Variants in FAAH observed in about 807,000 individuals in gnomAD.
FAAH encodes the protein fatty-acid amide hydrolase 1.
FAAH carries 63 observed loss-of-function variants against 69.7 expected under a neutral mutation model. The ratio of observed to expected loss-of-function variants is 0.90; its 90% CI spans 0.74 to 1.12. The LOEUF (loss-of-function observed/expected upper bound fraction) is 1.12, where lower values mean the gene tolerates loss of function less well. Ranked by LOEUF, FAAH falls within the 50% of genes most tolerant of loss-of-function variation. The probability of loss-of-function intolerance (pLI) is 0.00; values close to 1 mark genes in which losing one functional copy is unlikely to be tolerated. For synonymous variants in FAAH, 305 were observed against 324.2 expected, an observed-to-expected ratio of 0.94 and a Z score of 0.64; for missense variants, 680 against 755.0, an observed-to-expected ratio of 0.90 and a Z score of 1.16.
chr1:46,406,549 C>A (rs1664799013), intron 7 of FAAH, among the ~76,000 whole-genome samples, 181 bp downstream of exon 7: 1 of 151,302 alleles, frequency 6.6e-6, no homozygotes, highest in Non-Finnish European at 1.5e-5. Context: ...TTTGGAAATC[C>A]TCAGGCTTTT....
At chr1:46,413,008 G>C (rs1475448396) in intron 13 of FAAH, 67 bp from the exon 14 acceptor site, 3 of 1,596,602 alleles carry the variant, frequency 1.9e-6, no homozygotes, top group Non-Finnish European at 2.6e-6. Context: ...TATGAGGTTT[G>C]ACTCAGGCCC....
At position 46,402,085 on chromosome 1, in the gene FAAH, C is replaced by T. The variant is rs1177550228; in HGVS notation, c.196-6C>T. 6.2e-7 allele frequency: 1 copy of T among 1,600,868 alleles called. No individual in the cohort carries two copies. The highest frequency in any genetic ancestry group is 1.3e-5 in the African/African-American group (1 of 74,762). On this transcript the variant is annotated splice_polypyrimidine_tract_variant and splice_region_variant and intron_variant, in intron 1 of 14. Coordinates refer to ENST00000243167, the MANE Select transcript of FAAH (RefSeq NM_001441.3). ...TAGGGGACTGATCCGAGTTTGTTCC[C>T]CACAGAACCCAGACCTGGACTCAGA...
rs767134119 is a variant in FAAH, at chr1:46,405,191, C to T, written c.444+43C>T. ...GCCAGGCCTCCATCGTCCCCTCCAT[C>T]CCTGCCAGCCTGCTCTGCATCTTGG... On this transcript the variant is annotated intron_variant, in intron 3 of 14. Coordinates refer to ENST00000243167, the MANE Select transcript of FAAH (RefSeq NM_001441.3). The surrounding 1 kb of genome is among the most constrained non-coding windows in gnomAD (Gnocchi z 4.1). 3.7e-6 allele frequency: 6 copies of T among 1,613,306 alleles called. No homozygotes were observed. Among genetic ancestry groups the T allele is most frequent in the South Asian group, 1.1e-5 (1 of 91,078 alleles).
chr1:46,409,795 C>A (rs1454405590), intron 9 of FAAH, among the ~76,000 whole-genome samples: 1 of 152,174 alleles, frequency 6.6e-6, no homozygotes, highest in Non-Finnish European at 1.5e-5. Context: ...CACAGTCCCC[C>A]TTCCTCCACT....
At position 46,402,262 on chromosome 1, in the gene FAAH, C is replaced by CAAGG; in HGVS notation, c.309+58_309+59insAAGG. 5 of 1,344,258 alleles carry CAAGG rather than the reference C, an allele frequency of 3.7e-6. No homozygotes were observed. The African/African-American group carries it at 5.8e-5, about 16-fold the overall frequency. 83.3% of individuals were successfully genotyped at this position (1,344,258 alleles called of 1,614,324 possible). The stretch of plus-strand genomic sequence containing the variant: ...AAAGGTAAGGCCAGCCAAGGCCAGC[C>CAAGG]CCTCCCTTTCCCCTCCCTCTGTCCG... On this transcript the variant is annotated intron_variant, in intron 2 of 14. Coordinates refer to ENST00000243167, the MANE Select transcript of FAAH (RefSeq NM_001441.3).
rs1664896256 is a variant in FAAH, at chr1:46,410,678, G to A, written c.1276-136G>A. 3 of 1,195,428 alleles carry A rather than the reference G, an allele frequency of 2.5e-6. No individual in the cohort carries two copies. The highest frequency in any genetic ancestry group is 2.5e-6 in the Non-Finnish European group (2 of 802,918). The allele number at this position is 1,195,428 out of a possible 1,614,324, so 74.1% of individuals were successfully genotyped here. A position where few individuals can be genotyped will look rare whatever the true frequency, so the allele number is the denominator to read the frequency against. ...GTCCCCTGCGATCTTCAGCCAACCC[G>A]CATGCTGAAAGGGGTGCCGACCTGG... On this transcript the variant is annotated intron_variant, in intron 10 of 14. Coordinates refer to ENST00000243167, the MANE Select transcript of FAAH (RefSeq NM_001441.3). This position sits in a 1 kb window ranked among gnomAD's most constrained non-coding sequence, Gnocchi z 4.9.
rs200958055 is a variant in FAAH, at chr1:46,413,513, T to C, written c.1678T>C (p.Leu560=). The C allele has an allele frequency of 5.5e-5, 89 of 1,613,702 alleles. No individual in the cohort carries two copies. The Admixed American group carries it at 1.5e-3, about 26-fold the overall frequency. The change falls in exon 15 of 15, where the codon TTG becomes CTG. Residue 560 remains leucine, a synonymous_variant. Coordinates refer to ENST00000243167, the MANE Select transcript of FAAH (RefSeq NM_001441.3). ...QCVALPWQEE[L]CLRFMREVER... ...TGTGGCTCTGCCCTGGCAAGAAGAG[T>C]TGTGTCTGCGGTTCATGCGGGAGGT...
Position 46,411,747 on chromosome 1 carries a change from TG to T in FAAH, c.1356+100del. ...CAGTGTCTCGTGGCCACTGCCCCCA[TG>T]GGGCTCCTAGACTGGCCTGTCATCC... On this transcript the variant is annotated intron_variant, in intron 12 of 14. Coordinates refer to ENST00000243167, the MANE Select transcript of FAAH (RefSeq NM_001441.3). This position sits in a 1 kb window ranked among gnomAD's most constrained non-coding sequence, Gnocchi z 4.8. The T allele has an allele frequency of 2.2e-6, 3 of 1,384,584 alleles. No individual in the cohort carries two copies. Among genetic ancestry groups the T allele is most frequent in the Non-Finnish European group, 3.0e-6 (3 of 988,670 alleles). The allele number at this position is 1,384,584 out of a possible 1,614,324, so 85.8% of individuals were successfully genotyped here.
In FAAH at chr1:46,405,305, T is replaced by TG; in HGVS notation, c.445-65dup. 1 of 1,605,950 alleles carries TG rather than the reference T, an allele frequency of 6.2e-7. No individual in the cohort carries two copies. The highest frequency in any genetic ancestry group is 8.5e-7 in the Non-Finnish European group (1 of 1,179,770). The stretch of plus-strand genomic sequence containing the variant: ...CTGTTTTGGCCTGTGTGACAGTTGT[T>TG]GGAGTGGACCCTTGGCTGCCCACGG... On this transcript the variant is annotated intron_variant, in intron 3 of 14. Transcript: ENST00000243167. The surrounding 1 kb of genome is among the most constrained non-coding windows in gnomAD (Gnocchi z 4.1).
Position 46,405,376 on chromosome 1 carries a change from A to G in FAAH, c.449A>G (p.Gln150Arg). ...SLKECFTYKG[Q>R]DSTLGLSLNE... is the part of the protein sequence containing the mutation. ...GGTGCCCATCCCTCCTCCCAGGGCC[A>G]GGACTCCACGCTGGGCTTGAGCCTG... is the stretch of plus-strand genomic sequence containing the variant. The change falls in exon 4 of 15, where the codon CAG becomes CGG. Residue 150 changes from glutamine (Q) to arginine (R), a missense_variant. By Grantham distance (43) the Gln-to-Arg change is conservative. Coordinates refer to ENST00000243167, the MANE Select transcript of FAAH (RefSeq NM_001441.3). This position sits in a 1 kb window ranked among gnomAD's most constrained non-coding sequence, Gnocchi z 4.1. 1 of 1,610,624 alleles carries G rather than the reference A, an allele frequency of 6.2e-7. No homozygotes were observed. Among genetic ancestry groups the G allele is most frequent in the Non-Finnish European group, 8.5e-7 (1 of 1,179,988 alleles).
Position 46,410,886 on chromosome 1 carries a change from C to T in FAAH, c.1316+32C>T, listed in dbSNP as rs1166535724. On this transcript the variant is annotated intron_variant, in intron 11 of 14. Transcript: ENST00000243167. The surrounding 1 kb of genome is among the most constrained non-coding windows in gnomAD (Gnocchi z 4.9). ...GTTCTTCTGTGTCTAGCTGCCGGCC[C>T]CTGCCTGTCCTGATCCGAGTCTGGG... The T allele has an allele frequency of 6.2e-7, 1 of 1,613,678 alleles. No homozygotes were observed. The highest frequency in any genetic ancestry group is 8.5e-7 in the Non-Finnish European group (1 of 1,179,722).
intron 7 of FAAH, 87 bp from the exon 8 acceptor site, chr1:46,408,372 G>A (rs1194063771): frequency 2.6e-5 from 41 of 1,581,070 alleles, no homozygotes; most frequent in Non-Finnish European, 3.6e-5. Flanking sequence ...GCTGTGTCTG[G>A]GGCTGAGTAG....
intron 1 of FAAH, among the ~76,000 whole-genome samples, chr1:46,395,751 AACTAG>A (rs1664584866): frequency 6.6e-6 from 1 of 152,188 alleles, no homozygotes; most frequent in African/African-American, 2.4e-5. Context: ...GCAGAGCTGG[AACTAG>A]AACCTAGGTG....
intron 1 of FAAH, among the ~76,000 whole-genome samples, chr1:46,399,935 G>C (rs952334911): frequency 6.6e-5 from 10 of 152,060 alleles, no homozygotes; most frequent in Non-Finnish European, 1.2e-4. Flanking sequence ...GGAGAACCAG[G>C]GGTGGAGGGA....
rs962822577 is a variant in FAAH at position 46,410,051 on chromosome 1, C to T, written c.1176-347C>T. ...CCCTGCTTCATGGGCAGCCCACCCT[C>T]GATTTCCCCACCTGTGCCTCCAGGC... is the stretch of plus-strand genomic sequence containing the variant. On this transcript the variant is annotated intron_variant, in intron 9 of 14. Transcript: ENST00000243167. The surrounding 1 kb of genome is among the most constrained non-coding windows in gnomAD (Gnocchi z 4.9). The T allele has an allele frequency of 6.9e-5, 17 of 246,922 alleles. No homozygotes were observed. Among genetic ancestry groups the T allele is most frequent in the South Asian group, 1.7e-4 (3 of 17,462 alleles). 15.3% of individuals were successfully genotyped at this position (246,922 alleles called of 1,614,324 possible).
At position 46,409,059 on chromosome 1, in the gene FAAH, A is replaced by C. The variant is rs906379446; in HGVS notation, c.1078-42A>C. The C allele has an allele frequency of 2.6e-6, 4 of 1,528,790 alleles. No homozygotes were observed. In the African/African-American group the frequency reaches 5.5e-5, roughly 21 times the overall value. The allele number at this position is 1,528,790 out of a possible 1,614,324, so 94.7% of individuals were successfully genotyped here. On this transcript the variant is annotated intron_variant, in intron 8 of 14. Coordinates refer to ENST00000243167, the MANE Select transcript of FAAH (RefSeq NM_001441.3). Reference sequence around the variant, plus strand: ...CAGACAGCATGGGGATCATGAAGCCAGTTGTTAGGTCAGGAGGCCTTACAC... The same window carrying C: ...CAGACAGCATGGGGATCATGAAGCCCGTTGTTAGGTCAGGAGGCCTTACAC...
At chr1:46,402,417 G>A (rs1411591508) in intron 2 of FAAH, among the ~76,000 whole-genome samples, 1 of 152,274 alleles carries the variant, frequency 6.6e-6, no homozygotes, top group Non-Finnish European at 1.5e-5. Context: ...GTGTGTATGA[G>A]ACACTGAGCA....
In FAAH at chr1:46,402,155, A is replaced by G. The variant is rs1464851887; in HGVS notation, c.260A>G (p.His87Arg). The G allele has an allele frequency of 6.2e-7, 1 of 1,610,118 alleles. No homozygotes were observed. Among genetic ancestry groups the G allele is most frequent in the Admixed American group, 1.7e-5 (1 of 59,640 alleles). ...LPLPQLVQKL[H>R]SRELAPEAVL... The stretch of plus-strand genomic sequence containing the variant: ...CTGCCTCAGCTGGTGCAGAAGTTAC[A>G]CAGTAGAGAGCTGGCCCCTGAGGCC... The change falls in exon 2 of 15, where the codon CAC (histidine) becomes CGC (arginine). Residue 87 changes from histidine to arginine, a missense_variant. Transcript: ENST00000243167.
intron 2 of FAAH, among the ~76,000 whole-genome samples, chr1:46,403,224 G>A (rs1167371055): frequency 6.6e-6 from 1 of 151,876 alleles, no homozygotes; most frequent in Non-Finnish European, 1.5e-5. Context: ...TCCACCTCCC[G>A]GGTTCAAGTG....
Sources: gnomAD v4.1 joint callset for allele counts (sites outside exome capture counted in the v4.1 genomes callset) on GRCh38, gnomAD v4.1.1 for gene constraint, Gnocchi (gnomAD v3.1) non-coding constraint, MANE v1.5 for transcripts, NCBI Gene and HGNC (gene_info 2026-07-23, HGNC 2026-07-21) for gene names.